The following CERS6 variants were observed in gnomAD, a reference collection of about 807,000 sequenced individuals.
CERS6 encodes ceramide synthase 6, also known as LAG1 homolog, ceramide synthase 6.
A neutral mutation model predicts 56.8 loss-of-function variants in CERS6; 26 were observed. The observed-to-expected ratio is 0.46, with a 90% CI of 0.34 to 0.63. The LOEUF (loss-of-function observed/expected upper bound fraction) is 0.63. Ranked by LOEUF, CERS6 falls within the 30% of genes least tolerant of loss-of-function variation. The pLI is 0.01. For synonymous variants in CERS6, 164 were observed against 173.3 expected (o/e 0.95, Z 0.42); for missense variants, 415 against 467.5 (o/e 0.89, Z 1.04).
At chr2:168,644,104 AT>A (rs1685112506) in intron 4 of CERS6, 3 of 985,186 alleles carry the variant, frequency 3.0e-6, no homozygotes, top group Admixed American at 6.1e-5. Flanking sequence ...TTACAGGCTA[AT>A]AGGAGATATG....
chr2:168,706,651 A>T (rs112604141), intron 6 of CERS6, among the ~76,000 whole-genome samples: 12 of 152,302 alleles, frequency 7.9e-5, no homozygotes, highest in Admixed American at 3.9e-4. Context: ...CTGAATTTTG[A>T]GAGTAATATT....
intron 3 of CERS6, among the ~76,000 whole-genome samples, chr2:168,610,687 A>G (rs923392785): frequency 3.3e-5 from 5 of 152,218 alleles, no homozygotes; most frequent in African/African-American, 1.2e-4. Context: ...AGAGTAGACC[A>G]TCCCACCCAT....
At chr2:168,696,552 G>T (rs1194711783) in intron 6 of CERS6, among the ~76,000 whole-genome samples, 1 of 152,182 alleles carries the variant, frequency 6.6e-6, no homozygotes, top group Non-Finnish European at 1.5e-5. Flanking sequence ...ACAAAAAAAT[G>T]CCAGATTGAC....
chr2:168,711,069 T>C (rs16855723), intron 6 of CERS6, among the ~76,000 whole-genome samples: 14,218 of 152,276 alleles, frequency 0.093, 1,093 homozygotes, highest in African/African-American at 0.21. Flanking sequence ...TCTTAAATTA[T>C]CTGACCTCAT....
chr2:168,676,101 G>A (rs1029439596), intron 4 of CERS6, among the ~76,000 whole-genome samples: 5 of 152,172 alleles, frequency 3.3e-5, no homozygotes, highest in Non-Finnish European at 7.4e-5. Context: ...CTGTTGTGAT[G>A]TGTTGTTTTG....
chr2:168,483,799 A>G (rs1479678298), intron 1 of CERS6, among the ~76,000 whole-genome samples: 1 of 152,224 alleles, frequency 6.6e-6, no homozygotes, highest in African/African-American at 2.4e-5. Flanking sequence ...TAATGAGAAA[A>G]TATTTATGAA....
intron 3 of CERS6, among the ~76,000 whole-genome samples, chr2:168,580,379 A>T (rs1019169172): frequency 6.6e-6 from 1 of 152,012 alleles, no homozygotes; most frequent in Non-Finnish European, 1.5e-5. Context: ...TTTGGTGGTT[A>T]TCCTAGAAAT....
At chr2:168,618,490 T>G (rs1684375080) in intron 3 of CERS6, among the ~76,000 whole-genome samples, 1 of 151,968 alleles carries the variant, frequency 6.6e-6, no homozygotes, top group Non-Finnish European at 1.5e-5. Context: ...CCCTAAAGAC[T>G]CCTCCAAAAA....
chr2:168,611,215 C>T (rs1459447729), intron 3 of CERS6, among the ~76,000 whole-genome samples: 1 of 152,166 alleles, frequency 6.6e-6, no homozygotes, highest in Non-Finnish European at 1.5e-5. Flanking sequence ...AATCTGACAA[C>T]ACTTGAGTTT....
At chr2:168,550,869 G>A (rs1162456340) in intron 2 of CERS6, among the ~76,000 whole-genome samples, 1 of 152,128 alleles carries the variant, frequency 6.6e-6, no homozygotes, top group African/African-American at 2.4e-5. Flanking sequence ...GTTTGCACTC[G>A]GCCCTCCACT....
chr2:168,732,361 G>A (rs570967003), intron 8 of CERS6, among the ~76,000 whole-genome samples: 5 of 152,262 alleles, frequency 3.3e-5, no homozygotes, highest in South Asian at 2.1e-4. Context: ...CCTGGTGCTG[G>A]TGCCTCTTGC....
chr2:168,681,561 C>T (rs1383720534), intron 4 of CERS6, among the ~76,000 whole-genome samples: 1 of 152,050 alleles, frequency 6.6e-6, no homozygotes, highest in Non-Finnish European at 1.5e-5. Context: ...TAGTTCAGTA[C>T]ATGTATATAA....
chr2:168,572,835 T>G (rs1696015753), intron 3 of CERS6, among the ~76,000 whole-genome samples: 1 of 152,132 alleles, frequency 6.6e-6, no homozygotes. Context: ...CTTATTTATC[T>G]TTTCATCCCC....
rs546053889 is a variant in CERS6 at position 168,732,838 on chromosome 2, C to A, written c.845+14860C>A. The stretch of plus-strand genomic sequence containing the variant: ...AAATAACTACATACACAAGTAGGGT[C>A]ATTGTTTATTTTTATCTTCTGGCCT... On this transcript the variant is annotated intron_variant, in intron 8 of 9. Transcript: ENST00000305747. Among the ~76,000 whole-genome samples, 20 of 152,204 alleles carry A rather than the reference C, an allele frequency of 1.3e-4. No homozygotes were observed. In the South Asian group the frequency reaches 2.5e-3, roughly 19 times the overall value.
At chr2:168,735,695 G>T (rs1683693588) in intron 8 of CERS6, among the ~76,000 whole-genome samples, 1 of 151,520 alleles carries the variant, frequency 6.6e-6, no homozygotes, top group African/African-American at 2.4e-5. Flanking sequence ...GGGCAACATA[G>T]TGAGGCCCCA....
At chr2:168,657,628 T>G (rs111526515) in intron 4 of CERS6, among the ~76,000 whole-genome samples, 3,349 of 152,212 alleles carry the variant, frequency 0.022, 52 homozygotes, top group African/African-American at 0.026. Context: ...GTGCAGCGCC[T>G]GTGGACCGGC....
chr2:168,644,697 A>G (rs1230924519), intron 4 of CERS6, among the ~76,000 whole-genome samples: 1 of 152,168 alleles, frequency 6.6e-6, no homozygotes, highest in Non-Finnish European at 1.5e-5. Flanking sequence ...TCAGGCAGGT[A>G]AACCATTTCC....
intron 4 of CERS6, among the ~76,000 whole-genome samples, chr2:168,647,532 C>T (rs547903608): frequency 8.5e-4 from 130 of 152,238 alleles, no homozygotes; most frequent in Non-Finnish European, 1.6e-3. Flanking sequence ...ATTGCTCTTG[C>T]GAGGACTTCT....
At chr2:168,765,189 G>T (rs1684694682) in intron 8 of CERS6, among the ~76,000 whole-genome samples, 1 of 152,190 alleles carries the variant, frequency 6.6e-6, no homozygotes, top group African/African-American at 2.4e-5. Flanking sequence ...GTTGATGCAG[G>T]CTGGAAGAAT....
Sources: allele counts gnomAD v4.1 joint callset (sites outside exome capture counted in the v4.1 genomes callset), GRCh38; gene constraint gnomAD v4.1.1; transcripts MANE v1.5; gene names NCBI Gene and HGNC (gene_info 2026-07-23, HGNC 2026-07-21).